Variants in PHIP observed in about 807,000 individuals in gnomAD.
PHIP encodes PHIP subunit of CUL4-Ring ligase complex.
PHIP carries 54 observed loss-of-function variants against 236.8 expected under a neutral mutation model. That is an observed-to-expected ratio of 0.23 (90% CI 0.18 to 0.29). The LOEUF (loss-of-function observed/expected upper bound fraction) is 0.29, where lower values mean the gene tolerates loss of function less well. Among genes scored for constraint, PHIP ranks in the 10% least tolerant of loss-of-function variants. The pLI is 1.00. For missense variants in PHIP, 1,370 were observed against 2,190.8 expected, an observed-to-expected ratio of 0.63 and a Z score of 7.48; for synonymous variants, 756 against 718.9, an observed-to-expected ratio of 1.05 and a Z score of -0.83.
intron 23 of PHIP, among the ~76,000 whole-genome samples, chr6:78,980,489 A>C (rs1019528418): frequency 1.1e-4 from 17 of 152,156 alleles, no homozygotes; most frequent in African/African-American, 4.1e-4. Flanking sequence ...GGAATCAAAG[A>C]TATCTCCAGG....
intron 6 of PHIP, among the ~76,000 whole-genome samples, chr6:79,051,971 T>C (rs552981461): frequency 8.5e-5 from 13 of 152,176 alleles, no homozygotes; most frequent in African/African-American, 2.9e-4. Context: ...TCAACAAACA[T>C]TTATAGAGCA....
At chr6:78,942,015 C>T (rs1773527256) in intron 39 of PHIP, among the ~76,000 whole-genome samples, 1 of 150,880 alleles carries the variant, frequency 6.6e-6, no homozygotes, top group Non-Finnish European at 1.5e-5. Flanking sequence ...ACAGGAACTA[C>T]CAGTAACTAA....
chr6:79,043,938 A>ATAT, intron 6 of PHIP, among the ~76,000 whole-genome samples: 1 of 151,810 alleles, frequency 6.6e-6, no homozygotes, highest in Non-Finnish European at 1.5e-5. Flanking sequence ...ACAAAATACT[A>ATAT]CTTAGCCAAG....
intron 24 of PHIP, among the ~76,000 whole-genome samples, chr6:78,977,324 A>G (rs936722762): frequency 6.6e-6 from 1 of 151,860 alleles, no homozygotes; most frequent in Non-Finnish European, 1.5e-5. Context: ...GGAATTGAAC[A>G]ATGAGATCAC....
intron 9 of PHIP, 152 bp downstream of exon 9, chr6:79,025,367 T>G (rs931014180): frequency 1.9e-6 from 1 of 521,466 alleles, no homozygotes; most frequent in Non-Finnish European, 3.4e-6. Flanking sequence ...GGAATAAAAA[T>G]AAAACAGGTT....
intron 6 of PHIP, among the ~76,000 whole-genome samples, chr6:79,043,790 A>G (rs1428281982): frequency 6.6e-6 from 1 of 151,074 alleles, no homozygotes; most frequent in Non-Finnish European, 1.5e-5. Context: ...ACTGATCTGC[A>G]GGCACATTAT....
chr6:78,935,860 T>G lies in PHIP; in HGVS notation c.*4833A>C. The G allele has an allele frequency of 2.2e-5, 10 of 456,294 alleles. No homozygotes were observed. Among genetic ancestry groups the G allele is most frequent in the South Asian group, 9.3e-5 (1 of 10,750 alleles). The allele number at this position is 456,294 out of a possible 1,614,324, so 28.3% of individuals were successfully genotyped here. A position where few individuals can be genotyped will look rare whatever the true frequency, so the allele number is the denominator to read the frequency against. On this transcript the variant is annotated 3_prime_UTR_variant, in exon 40 of 40. Coordinates refer to ENST00000275034, the MANE Select transcript of PHIP (RefSeq NM_017934.7). Reference sequence around the variant, plus strand: ...AAGCAAATAATAAATCATGAGGCTCTACAAAATAGCTTAGAAAAACAAGTT... The same window carrying G: ...AAGCAAATAATAAATCATGAGGCTCGACAAAATAGCTTAGAAAAACAAGTT...
At chr6:79,076,670 G>C (rs182231991) in intron 4 of PHIP, among the ~76,000 whole-genome samples, 1 of 152,142 alleles carries the variant, frequency 6.6e-6, no homozygotes, top group Non-Finnish European at 1.5e-5. Flanking sequence ...CCATCCCACA[G>C]TAAATATGTG....
At chr6:79,037,118 G>C (rs72904835) in intron 7 of PHIP, among the ~76,000 whole-genome samples, 8 of 152,054 alleles carry the variant, frequency 5.3e-5, no homozygotes, top group Non-Finnish European at 1.2e-4. Flanking sequence ...CAACTGTTTT[G>C]TCAACAATGT....
rs1487467551 is a variant in PHIP at position 78,986,942 on chromosome 6, GA to G, written c.2460+1266del. ...GTTACTTCCTTAAAGGGGGGAAAAA[GA>G]AACAGAATTATTCCTACATTCCAAA... is the stretch of plus-strand genomic sequence containing the variant. On this transcript the variant is annotated intron_variant, in intron 21 of 39. Transcript: ENST00000275034. Among the ~76,000 whole-genome samples, 7 of 118,788 alleles carry G rather than the reference GA, an allele frequency of 5.9e-5. No homozygotes were observed. The South Asian group carries it at 2.5e-3, about 43-fold the overall frequency. 77.9% of individuals were successfully genotyped at this position (118,788 alleles called of 152,430 possible).
intron 19 of PHIP, among the ~76,000 whole-genome samples, chr6:78,993,387 G>T (rs1769397384): frequency 6.6e-6 from 1 of 152,176 alleles, no homozygotes; most frequent in Non-Finnish European, 1.5e-5. Flanking sequence ...AGATCAAACA[G>T]CCATCTAAAT....
chr6:78,972,068 G>C (rs1174577182), intron 24 of PHIP, among the ~76,000 whole-genome samples: 1 of 152,120 alleles, frequency 6.6e-6, no homozygotes, highest in Non-Finnish European at 1.5e-5. Flanking sequence ...CTCCACCTCT[G>C]GGGGCAGGGC....
chr6:79,077,028 CAGG>C lies in PHIP; in HGVS notation c.189+417_189+419del, dbSNP rs977174972. 1.6e-4 allele frequency among the ~76,000 whole-genome samples: 25 copies of C among 152,268 alleles called. No homozygotes were observed. In the East Asian group the frequency reaches 3.7e-3, roughly 22 times the overall value. Reference sequence around the variant, plus strand: ...GTTAGTCACCAGCTATTGTGTAGGGCAGGAGAAAGCCGAGCCGGCCGCGCGTGC... The same window carrying C: ...GTTAGTCACCAGCTATTGTGTAGGGCAGAAAGCCGAGCCGGCCGCGCGTGC... On this transcript the variant is annotated intron_variant, in intron 4 of 39. Coordinates refer to ENST00000275034, the MANE Select transcript of PHIP (RefSeq NM_017934.7).
intron 17 of PHIP, among the ~76,000 whole-genome samples, chr6:79,001,532 G>C (rs1175767292): frequency 6.6e-6 from 1 of 152,020 alleles, no homozygotes; most frequent in Admixed American, 6.6e-5. Context: ...ATGAAAGCAA[G>C]GATCATGTTT....
rs1337758901 is a variant in PHIP at position 78,997,435 on chromosome 6, T to A, written c.2180A>T (p.Glu727Val). ...VAWSRRVVVP[E>V]LSAGVASRQE... ...TTACCTGGCTACACCAGCTGATAGC[T>A]CGGGTACTACCACCCTTCGACTCCA... Residue 727 changes from glutamate (E) to valine (V), a missense_variant, in exon 19 of 40, where the codon GAG (glutamate) becomes GTG (valine). Physicochemically the swap from Glu to Val is moderately radical, Grantham distance 121. This residue lies in a region of PHIP where 133 missense variants were observed against 245.2 expected (regional missense o/e 0.54). Transcript: ENST00000275034. 1 of 1,613,820 alleles carries A rather than the reference T, an allele frequency of 6.2e-7. No individual in the cohort carries two copies. Among genetic ancestry groups the A allele is most frequent in the Non-Finnish European group, 8.5e-7 (1 of 1,179,844 alleles).
rs761246582 is a variant in PHIP, at chr6:79,026,027, A to G, written c.738T>C (p.Asp246=). The part of the protein sequence containing the change: ...ENTMIAAGSC[D]KMIRVWCLRT... ...GAAGACACCAGACTCGGATCATTTT[A>G]TCACAACTTCCAGCTGCTATCATGG... is the stretch of plus-strand genomic sequence containing the variant. The change falls in exon 8 of 40, where the codon GAT becomes GAC. Residue 246 remains aspartate (D), a synonymous_variant. Transcript: ENST00000275034. 6 of 1,614,032 alleles carry G rather than the reference A, an allele frequency of 3.7e-6. No individual in the cohort carries two copies. Among genetic ancestry groups the G allele is most frequent in the Non-Finnish European group, 5.1e-6 (6 of 1,180,006 alleles).
intron 7 of PHIP, among the ~76,000 whole-genome samples, chr6:79,035,792 A>T (rs1172275553): frequency 6.6e-6 from 1 of 152,174 alleles, no homozygotes; most frequent in Non-Finnish European, 1.5e-5. Context: ...AATTGCGTAC[A>T]ATTTAAATTT....
At chr6:79,033,765 T>TTTTGC (rs1272402145) in intron 7 of PHIP, among the ~76,000 whole-genome samples, 1 of 152,204 alleles carries the variant, frequency 6.6e-6, no homozygotes, top group Non-Finnish European at 1.5e-5. Flanking sequence ...CTTCAAGAAC[T>TTTTGC]TTTGCTTTAC....
rs563243411 is a variant in PHIP at position 79,043,236 on chromosome 6, T to C, written c.440-233A>G. On this transcript the variant is annotated intron_variant, in intron 6 of 39. Transcript: ENST00000275034. ...TTTATAACTTAATTTGTAAGTTAAA[T>C]GACCTGTCCAAAAATCACAAAGTAA... is the stretch of plus-strand genomic sequence containing the variant. Among the ~76,000 whole-genome samples, 3 of 151,966 alleles carry C rather than the reference T, an allele frequency of 2.0e-5. No individual in the cohort carries two copies. In the South Asian group the frequency reaches 6.2e-4, roughly 31 times the overall value.
Sources: gnomAD v4.1 joint callset for allele counts (sites outside exome capture counted in the v4.1 genomes callset) on GRCh38, gnomAD v4.1.1 for gene constraint, gnomAD v4.1.1 regional missense constraint, MANE v1.5 for transcripts, NCBI Gene and HGNC (gene_info 2026-07-23, HGNC 2026-07-21) for gene names.